Variants in ALDH1A2 observed in about 807,000 individuals in gnomAD.
ALDH1A2 encodes aldehyde dehydrogenase 1 family member A2.
In ALDH1A2, 27 loss-of-function variants were observed where a neutral mutation model predicts 60.3. The observed-to-expected ratio is 0.45, with a 90% CI of 0.33 to 0.62. ALDH1A2 has a LOEUF of 0.62. Among genes scored for constraint, ALDH1A2 ranks in the 20% least tolerant of loss-of-function variants. ALDH1A2 has a pLI of 0.02. For missense variants in ALDH1A2, 581 were observed against 643.8 expected, an observed-to-expected ratio of 0.90 and a Z score of 1.06; for synonymous variants, 289 against 232.4, an observed-to-expected ratio of 1.24 and a Z score of -2.21.
chr15:58,056,173 TA>T (rs1254188433), intron 1 of ALDH1A2, among the ~76,000 whole-genome samples: 6 of 152,148 alleles, frequency 3.9e-5, no homozygotes, highest in African/African-American at 1.4e-4. Flanking sequence ...CCTAGAGTTT[TA>T]TACAGTGGCC....
intron 7 of ALDH1A2, among the ~76,000 whole-genome samples, chr15:57,985,689 T>C (rs1894675595): frequency 6.6e-6 from 1 of 152,190 alleles, no homozygotes; most frequent in African/African-American, 2.4e-5. Context: ...AAATATTTAC[T>C]ATGTATGTTT....
intron 7 of ALDH1A2, among the ~76,000 whole-genome samples, chr15:57,975,895 T>C (rs1001406672): frequency 6.6e-5 from 10 of 152,244 alleles, no homozygotes; most frequent in African/African-American, 1.7e-4. Context: ...GACATATTCA[T>C]TGTGAACTCT....
At chr15:57,974,359 G>C (rs1167986632) in intron 7 of ALDH1A2, among the ~76,000 whole-genome samples, 3 of 150,592 alleles carry the variant, frequency 2.0e-5, no homozygotes, top group Admixed American at 1.3e-4. Flanking sequence ...CATAAACCCG[G>C]GAGGCAGAGC....
intron 7 of ALDH1A2, among the ~76,000 whole-genome samples, chr15:57,968,515 C>T (rs1485692885): frequency 1.3e-5 from 2 of 152,224 alleles, no homozygotes; most frequent in Non-Finnish European, 2.9e-5. Flanking sequence ...ATTTACTGAG[C>T]ACTAATGTGT....
At chr15:57,979,008 C>T (rs550689889) in intron 7 of ALDH1A2, among the ~76,000 whole-genome samples, 1 of 152,260 alleles carries the variant, frequency 6.6e-6, no homozygotes, top group East Asian at 1.9e-4. Flanking sequence ...GCACTCCAGA[C>T]TGGGCAACAA....
intron 1 of ALDH1A2, among the ~76,000 whole-genome samples, chr15:58,037,313 A>G (rs1162068069): frequency 6.6e-6 from 1 of 151,738 alleles, no homozygotes; most frequent in Non-Finnish European, 1.5e-5. Context: ...TTATAAATTA[A>G]CCACACATTT....
chr15:57,976,284 C>A (rs1258368143), intron 7 of ALDH1A2, among the ~76,000 whole-genome samples: 1 of 152,166 alleles, frequency 6.6e-6, no homozygotes, highest in Admixed American at 6.5e-5. Flanking sequence ...CTTCTTCCAG[C>A]ACTGTATTTT....
In ALDH1A2 at chr15:57,962,192, C is replaced by G; in HGVS notation, c.1087-16G>C. ...TCTTATCAATCTGTGGGAGACAAGA[C>G]TTAATGACTCCAAATATAACCTTCT... On this transcript the variant is annotated splice_polypyrimidine_tract_variant and intron_variant, in intron 9 of 12. Transcript: ENST00000249750. 3 of 1,611,938 alleles carry G rather than the reference C, an allele frequency of 1.9e-6. No individual in the cohort carries two copies. The highest frequency in any genetic ancestry group is 2.5e-6 in the Non-Finnish European group (3 of 1,178,026).
At position 57,965,846 on chromosome 15, in the gene ALDH1A2, A is replaced by G. The variant is rs772997130; in HGVS notation, c.799-19T>C. ...TTCCAACCTGAAAGAAGGGAAATGG[A>G]GACAGGTTTTGCAAATCCTGCAGGT... is the stretch of plus-strand genomic sequence containing the variant. On this transcript the variant is annotated intron_variant, in intron 7 of 12. Coordinates refer to ENST00000249750, the MANE Select transcript of ALDH1A2 (RefSeq NM_003888.4). The G allele has an allele frequency of 3.7e-6, 6 of 1,607,992 alleles. No individual in the cohort carries two copies. Among genetic ancestry groups the G allele is most frequent in the Middle Eastern group, 1.7e-4 (1 of 6,050 alleles).
At chr15:58,041,915 C>G (rs11071364) in intron 1 of ALDH1A2, among the ~76,000 whole-genome samples, 63,557 of 151,722 alleles carry the variant, frequency 0.42, 13,528 homozygotes, top group Non-Finnish European at 0.45. Context: ...GAAGTGAACT[C>G]CAACACCATA....
At chr15:58,004,870 G>GA (rs1895399536) in intron 4 of ALDH1A2, among the ~76,000 whole-genome samples, 2 of 150,606 alleles carry the variant, frequency 1.3e-5, no homozygotes, top group African/African-American at 4.9e-5. Flanking sequence ...AAATACTAAT[G>GA]AAAAAAATCA....
chr15:57,974,582 A>C (rs780318834), intron 7 of ALDH1A2, among the ~76,000 whole-genome samples: 1 of 152,156 alleles, frequency 6.6e-6, no homozygotes, highest in Non-Finnish European at 1.5e-5. Flanking sequence ...TTATCCATCT[A>C]TCTAGCACTT....
intron 1 of ALDH1A2, among the ~76,000 whole-genome samples, chr15:58,057,715 T>G (rs1202570733): frequency 6.6e-6 from 1 of 152,164 alleles, no homozygotes. Flanking sequence ...AGCTACTGTG[T>G]GCATGACCCC....
chr15:58,036,559 A>G (rs574634424), intron 1 of ALDH1A2: 2 of 151,774 alleles, frequency 1.3e-5, no homozygotes, highest in East Asian at 3.9e-4. Flanking sequence ...TAACATGAAC[A>G]GCACCAGTTG....
chr15:58,031,832 G>A (rs185262781), intron 1 of ALDH1A2, among the ~76,000 whole-genome samples: 36 of 152,160 alleles, frequency 2.4e-4, no homozygotes, highest in South Asian at 1.0e-3. Flanking sequence ...TTAGAATGGC[G>A]ATGATTAAAA....
chr15:58,023,710 C>A (rs1895996616), intron 1 of ALDH1A2, among the ~76,000 whole-genome samples: 2 of 149,592 alleles, frequency 1.3e-5, no homozygotes, highest in Admixed American at 6.6e-5. Flanking sequence ...GCAAAATTAT[C>A]CTTCACAAAT....
intron 1 of ALDH1A2, among the ~76,000 whole-genome samples, chr15:58,023,867 G>A (rs111762554): frequency 1.1e-3 from 162 of 152,226 alleles, no homozygotes; most frequent in African/African-American, 3.9e-3. Flanking sequence ...CGAGGTGGGT[G>A]GAGCACCTGA....
intron 7 of ALDH1A2, among the ~76,000 whole-genome samples, chr15:57,980,875 G>A (rs892852526): frequency 6.6e-6 from 1 of 152,104 alleles, no homozygotes; most frequent in Non-Finnish European, 1.5e-5. Flanking sequence ...CCTCTTCTTT[G>A]TACCTCTGAT....
intron 4 of ALDH1A2, among the ~76,000 whole-genome samples, chr15:58,000,632 A>G (rs1488049986): frequency 1.3e-5 from 2 of 151,988 alleles, no homozygotes; most frequent in African/African-American, 4.8e-5. Context: ...ATTAAAATTA[A>G]AAAAGTTTAC....
Sources: allele counts gnomAD v4.1 joint callset (sites outside exome capture counted in the v4.1 genomes callset), GRCh38; gene constraint gnomAD v4.1.1; transcripts MANE v1.5; gene names NCBI Gene and HGNC (gene_info 2026-07-23, HGNC 2026-07-21).